ITPKB: variants seen among roughly 807,000 people sequenced by gnomAD.
ITPKB encodes IP3 3-kinase B.
In ITPKB, 13 loss-of-function variants were observed where a neutral mutation model predicts 69.4. That is an observed-to-expected ratio of 0.19 (90% CI 0.12 to 0.30). The LOEUF is 0.30. Among genes scored for constraint, ITPKB ranks in the 10% least tolerant of loss-of-function variants. The pLI is 1.00. For missense variants in ITPKB, 1,240 were observed against 1,250.5 expected (o/e 0.99, Z 0.13); for synonymous variants, 584 against 513.7 (o/e 1.14, Z -1.85).
In ITPKB at chr1:226,736,933, A is replaced by G. The variant is rs3754414; in HGVS notation, c.526T>C (p.Ser176Pro). 2.5e-4 allele frequency: 410 copies of G among 1,608,588 alleles called. 8 individuals carry two copies. In the East Asian group the frequency reaches 9.0e-3, roughly 35 times the overall value. ...CTGCTGCTGCGGAAGGGGCACGGGG[A>G]GGGCGAGCGAGCCCTGCCCAAACGC... is the stretch of plus-strand genomic sequence containing the variant. ...SPRLGRARSPSPCPFRSSSQP... is the reference protein window; with the variant it reads ...SPRLGRARSPPPCPFRSSSQP... The change falls in exon 2 of 8, where the codon TCC (serine) becomes CCC (proline). Residue 176 changes from serine (S) to proline (P), a missense_variant. By Grantham distance (74) the Ser-to-Pro change is moderately conservative (BLOSUM62 -1). Coordinates refer to ENST00000429204, the MANE Select transcript of ITPKB (RefSeq NM_002221.4).
At chr1:226,640,755 G>C (rs1008387475) in intron 5 of ITPKB, among the ~76,000 whole-genome samples, 8 of 152,158 alleles carry the variant, frequency 5.3e-5, no homozygotes, top group African/African-American at 1.4e-4. Context: ...GCAAAAAAGA[G>C]GGAAGGGCTG....
chr1:226,707,631 C>T, intron 2 of ITPKB: 2 of 999,768 alleles, frequency 2.0e-6, no homozygotes, highest in East Asian at 1.1e-4. Flanking sequence ...AGGCAGTGTA[C>T]ACATGAGTAA....
intron 2 of ITPKB, among the ~76,000 whole-genome samples, chr1:226,689,666 ATAGG>A (rs1192567635): frequency 1.3e-5 from 2 of 151,898 alleles, no homozygotes; most frequent in Non-Finnish European, 2.9e-5. Flanking sequence ...TACAGGTCAC[ATAGG>A]TAAACTTTTG....
intron 2 of ITPKB, among the ~76,000 whole-genome samples, chr1:226,659,055 T>C (rs2102755467): frequency 6.6e-6 from 1 of 152,288 alleles, no homozygotes; most frequent in African/African-American, 2.4e-5. Context: ...CTGACTCTTT[T>C]TGAGGGACGC....
At chr1:226,732,982 A>G (rs1292254073) in intron 2 of ITPKB, among the ~76,000 whole-genome samples, 1 of 152,202 alleles carries the variant, frequency 6.6e-6, no homozygotes. Context: ...GGAGGCCCGA[A>G]AGGCTTAACT....
Position 226,737,471 on chromosome 1 carries a change from C to G in ITPKB, c.-13G>C, listed in dbSNP as rs780100895. ...AGTACACAGCCATAGTACTGGGTCC[C>G]GCGCTGCCCGCCGCCGCGGCTCCCG... On this transcript the variant is annotated 5_prime_UTR_variant, in exon 2 of 8. Transcript: ENST00000429204. The G allele has an allele frequency of 3.4e-5, 53 of 1,546,348 alleles. No homozygotes were observed. The Admixed American group carries it at 8.8e-4, about 26-fold the overall frequency.
chr1:226,661,751 C>T (rs1173370306), intron 2 of ITPKB, among the ~76,000 whole-genome samples: 1 of 152,232 alleles, frequency 6.6e-6, no homozygotes, highest in African/African-American at 2.4e-5. Context: ...TTGCATACCT[C>T]TCACGTATAC....
In ITPKB at chr1:226,737,565, C is replaced by A; in HGVS notation, c.-107G>T. On this transcript the variant is annotated 5_prime_UTR_variant, in exon 2 of 8. Coordinates refer to ENST00000429204, the MANE Select transcript of ITPKB (RefSeq NM_002221.4). ...CTCAGCCCCGGAGGCCCGGCAGCCG[C>A]GGCTCCGCGCGCAGATGGGGCGGCA... The A allele has an allele frequency of 8.2e-7, 1 of 1,214,716 alleles. No individual in the cohort carries two copies. The highest frequency in any genetic ancestry group is 1.0e-6 in the Non-Finnish European group (1 of 978,878). The allele number at this position is 1,214,716 out of a possible 1,614,324, so 75.2% of individuals were successfully genotyped here.
intron 2 of ITPKB, among the ~76,000 whole-genome samples, chr1:226,718,507 GGGA>G (rs1271185118): frequency 6.6e-6 from 1 of 151,894 alleles, no homozygotes; most frequent in African/African-American, 2.4e-5. Context: ...AGGCTAAGGC[GGGA>G]GGATCCCTTG....
chr1:226,639,054 CT>C (rs34561047), intron 6 of ITPKB, among the ~76,000 whole-genome samples: 74 of 123,780 alleles, frequency 6.0e-4, no homozygotes, highest in African/African-American at 1.8e-3. Context: ...GTGCCCTTGA[CT>C]TTTTTTTTTT....
chr1:226,723,874 G>A (rs1239927871), intron 2 of ITPKB, among the ~76,000 whole-genome samples: 2 of 152,068 alleles, frequency 1.3e-5, no homozygotes, highest in Admixed American at 1.3e-4. Flanking sequence ...GTAACAAAGT[G>A]AGGCCTCTCC....
At chr1:226,646,778 C>T (rs988976051) in intron 4 of ITPKB, among the ~76,000 whole-genome samples, 3 of 152,206 alleles carry the variant, frequency 2.0e-5, no homozygotes, top group Admixed American at 1.3e-4. Flanking sequence ...TCCCCTGCAG[C>T]TCACACAGCA....
intron 2 of ITPKB, among the ~76,000 whole-genome samples, chr1:226,697,399 C>A (rs1330861437): frequency 6.6e-6 from 1 of 152,188 alleles, no homozygotes; most frequent in Admixed American, 6.5e-5. Context: ...AAATGAGAAA[C>A]AGAATTTCCC....
chr1:226,656,939 T>C (rs1272750405), intron 2 of ITPKB: 1 of 152,264 alleles, frequency 6.6e-6, no homozygotes. Context: ...GTTTTTTGCT[T>C]CTGTGTCTAT....
chr1:226,685,854 T>C (rs1656196589), intron 2 of ITPKB, among the ~76,000 whole-genome samples: 1 of 152,078 alleles, frequency 6.6e-6, no homozygotes, highest in Admixed American at 6.6e-5. Context: ...GCTGGGGAAA[T>C]GAAGCGGCTG....
chr1:226,738,030 G>A lies in ITPKB; in HGVS notation c.-205-367C>T, dbSNP rs996917863. On this transcript the variant is annotated intron_variant, in intron 1 of 7. Coordinates refer to ENST00000429204, the MANE Select transcript of ITPKB (RefSeq NM_002221.4). This position sits in a 1 kb window ranked among gnomAD's most constrained non-coding sequence, Gnocchi z 4.2. The stretch of plus-strand genomic sequence containing the variant: ...GCTGACTCAGCTCTCCCGGGCTGAG[G>A]ACACCCCAGCCACCGTCTCCGGGTC... Among the ~76,000 whole-genome samples the A allele has an allele frequency of 6.6e-6, 1 of 152,172 alleles. No individual in the cohort carries two copies. The highest frequency in any genetic ancestry group is 1.5e-5 in the Non-Finnish European group (1 of 68,020).
chr1:226,649,278 CAT>C (rs1193147149), intron 2 of ITPKB, among the ~76,000 whole-genome samples: 1 of 150,156 alleles, frequency 6.7e-6, no homozygotes, highest in Non-Finnish European at 1.5e-5. Context: ...TGGGAGTGTG[CAT>C]GTGTGTGTGC....
chr1:226,734,746 C>T (rs1020068295), intron 2 of ITPKB, among the ~76,000 whole-genome samples: 2 of 152,178 alleles, frequency 1.3e-5, no homozygotes, highest in African/African-American at 2.4e-5. Flanking sequence ...AGTGTGATGA[C>T]CCAAACCAGA....
chr1:226,675,495 T>C (rs1669714400), intron 2 of ITPKB, among the ~76,000 whole-genome samples: 1 of 152,100 alleles, frequency 6.6e-6, no homozygotes, highest in South Asian at 2.1e-4. Context: ...AGGCTGAACT[T>C]GCAAGGAGCT....
Sources: allele counts gnomAD v4.1 joint callset (sites outside exome capture counted in the v4.1 genomes callset), GRCh38; gene constraint gnomAD v4.1.1; non-coding constraint Gnocchi (gnomAD v3.1); transcripts MANE v1.5; gene names NCBI Gene and HGNC (gene_info 2026-07-23, HGNC 2026-07-21).